Variants in RAPH1 observed in about 807,000 individuals in gnomAD.
RAPH1 encodes the protein ras-associated and pleckstrin homology domains-containing protein 1.
A neutral mutation model predicts 88.1 loss-of-function variants in RAPH1; 18 were observed. That is an observed-to-expected ratio of 0.20 (90% confidence interval 0.14 to 0.30). The LOEUF is 0.30. Among genes scored for constraint, RAPH1 ranks in the 10% least tolerant of loss-of-function variants. RAPH1 has a pLI of 1.00. For synonymous variants in RAPH1, 587 were observed against 559.0 expected (o/e 1.05, Z -0.71); for missense variants, 1,448 against 1,543.2 (o/e 0.94, Z 1.03).
At chr2:203,483,728 T>G (rs911420136) in intron 4 of RAPH1, among the ~76,000 whole-genome samples, 6 of 152,114 alleles carry the variant, frequency 3.9e-5, no homozygotes, top group African/African-American at 1.4e-4. Context: ...ACTATCCAAT[T>G]GACTGAGGGC....
At chr2:203,470,163 G>A (rs1164884016) in intron 4 of RAPH1, 3 of 925,644 alleles carry the variant, frequency 3.2e-6, no homozygotes, top group Non-Finnish European at 5.0e-6. Flanking sequence ...AATAATATAA[G>A]AGCATGATCA....
intron 1 of RAPH1, among the ~76,000 whole-genome samples, chr2:203,515,736 G>C (rs1354848280): frequency 6.6e-6 from 1 of 152,154 alleles, no homozygotes; most frequent in East Asian, 1.9e-4. Context: ...AACATTTAAA[G>C]TGTTGAGAGA....
chr2:203,467,627 G>A (rs188080714), intron 4 of RAPH1, among the ~76,000 whole-genome samples: 4 of 151,876 alleles, frequency 2.6e-5, no homozygotes, highest in East Asian at 3.9e-4. Flanking sequence ...TTAAAAATTC[G>A]CTATATACAG....
chr2:203,478,096 C>G (rs1687549020), intron 4 of RAPH1, among the ~76,000 whole-genome samples: 1 of 151,326 alleles, frequency 6.6e-6, no homozygotes, highest in Admixed American at 6.6e-5. Flanking sequence ...GCAAGTGGCA[C>G]GATCTCAGCT....
In RAPH1 at chr2:203,440,283, C is replaced by G. The variant is rs2098502288; in HGVS notation, c.2907G>C (p.Lys969Asn). 1 of 1,613,660 alleles carries G rather than the reference C, an allele frequency of 6.2e-7. No individual in the cohort carries two copies. Among genetic ancestry groups the G allele is most frequent in the African/African-American group, 1.3e-5 (1 of 74,804 alleles). Residue 969 changes from lysine (K) to asparagine (N), a missense_variant, in exon 14 of 14, where the codon AAG becomes AAC. Physicochemically the swap from Lys to Asn is moderately conservative, Grantham distance 94 (BLOSUM62 0). Around this residue, in one of 2 missense-constraint regions of RAPH1, gnomAD observed 935 missense variants for 890.1 expected, o/e 1.05. Transcript: ENST00000319170. ...TGCGCTGTGGGGTTGGGGGTGGTTT[C>G]TTTCCCCCAGGGCTGGACGTCTTAC... Reference protein sequence around the residue: ...KTSKTSSPGGKKPPPTPQRNS... With the variant: ...KTSKTSSPGGNKPPPTPQRNS...
Position 203,448,119 on chromosome 2 carries a change from T to A in RAPH1, c.1513-40A>T, listed in dbSNP as rs1267039140. ...GGAAATGGTGACATCTAAACTTTAC[T>A]GAGTATGATACAGAAGGATAAGGTG... is the stretch of plus-strand genomic sequence containing the variant. On this transcript the variant is annotated intron_variant, in intron 11 of 13. Transcript: ENST00000319170. This position sits in a 1 kb window ranked among gnomAD's most constrained non-coding sequence, Gnocchi z 4.1. The A allele has an allele frequency of 6.2e-7, 1 of 1,603,882 alleles. No individual in the cohort carries two copies. The highest frequency in any genetic ancestry group is 1.7e-5 in the Admixed American group (1 of 59,694).
intron 1 of RAPH1, among the ~76,000 whole-genome samples, chr2:203,529,256 G>T (rs1690277841): frequency 6.6e-6 from 1 of 151,858 alleles, no homozygotes; most frequent in Non-Finnish European, 1.5e-5. Flanking sequence ...TTATAGGCAT[G>T]AGCCACCGCA....
At chr2:203,512,404 C>T (rs1187036776) in intron 1 of RAPH1, among the ~76,000 whole-genome samples, 1 of 151,506 alleles carries the variant, frequency 6.6e-6, no homozygotes, top group Non-Finnish European at 1.5e-5. Context: ...AATTCTCCCT[C>T]CATGTTTGTA....
chr2:203,511,057 T>C (rs1689318970), intron 1 of RAPH1, among the ~76,000 whole-genome samples: 1 of 152,102 alleles, frequency 6.6e-6, no homozygotes, highest in South Asian at 2.1e-4. Context: ...GCTAATCAGC[T>C]TTGTATTATG....
chr2:203,488,880 T>C (rs1688113333), intron 4 of RAPH1, among the ~76,000 whole-genome samples: 1 of 151,976 alleles, frequency 6.6e-6, no homozygotes, highest in Non-Finnish European at 1.5e-5. Context: ...TCCCAGTACT[T>C]TGGGAGGCCA....
At chr2:203,525,298 G>C (rs1193652055) in intron 1 of RAPH1, among the ~76,000 whole-genome samples, 2 of 151,988 alleles carry the variant, frequency 1.3e-5, no homozygotes, top group Non-Finnish European at 2.9e-5. Context: ...CGATTCTCCT[G>C]TGTCAGTTTC....
intron 12 of RAPH1, chr2:203,446,641 T>A (rs2098509930): frequency 6.6e-6 from 1 of 152,214 alleles, no homozygotes; most frequent in East Asian, 1.9e-4. Flanking sequence ...TGTCCATGGG[T>A]TACAATCCTA....
intron 10 of RAPH1, among the ~76,000 whole-genome samples, chr2:203,453,405 G>A (rs1010837170): frequency 6.6e-6 from 1 of 151,838 alleles, no homozygotes; most frequent in Non-Finnish European, 1.5e-5. Context: ...AATTAGCTGG[G>A]TGTGGTGGCA....
At chr2:203,532,138 G>A (rs1220103196) in intron 1 of RAPH1, among the ~76,000 whole-genome samples, 1 of 152,210 alleles carries the variant, frequency 6.6e-6, no homozygotes, top group Admixed American at 6.5e-5. Flanking sequence ...TATTGTGTGA[G>A]TCAAAAGTAG....
chr2:203,502,598 G>C (rs994891976), intron 1 of RAPH1, among the ~76,000 whole-genome samples: 4 of 152,022 alleles, frequency 2.6e-5, no homozygotes, highest in Non-Finnish European at 1.5e-5. Flanking sequence ...GAGGCGGGCG[G>C]ATCACGAGGT....
intron 1 of RAPH1, among the ~76,000 whole-genome samples, chr2:203,496,881 A>G (rs566112500): frequency 6.6e-6 from 1 of 152,282 alleles, no homozygotes; most frequent in East Asian, 1.9e-4. Context: ...GATCTAGGCA[A>G]TATTTGGAAT....
intron 1 of RAPH1, among the ~76,000 whole-genome samples, chr2:203,520,457 G>A (rs540536917): frequency 7.2e-5 from 11 of 151,994 alleles, no homozygotes; most frequent in African/African-American, 2.2e-4. Context: ...GTGAAACCCC[G>A]TTTCTACTAA....
At position 203,441,016 on chromosome 2, in the gene RAPH1, A is replaced by C. The variant is rs952916034; in HGVS notation, c.2174T>G (p.Met725Arg). 7.4e-5 allele frequency: 82 copies of C among 1,105,396 alleles called. No individual in the cohort carries two copies. The highest frequency in any genetic ancestry group is 9.7e-5 in the Non-Finnish European group (82 of 842,298). 68.5% of individuals were successfully genotyped at this position (1,105,396 alleles called of 1,614,324 possible). A position where few individuals can be genotyped will look rare whatever the true frequency, so the allele number is the denominator to read the frequency against. Reference protein sequence around the residue: ...PPPPPTPGSAMAQLKPAPCAP... With the variant: ...PPPPPTPGSARAQLKPAPCAP... ...ACACGGTGCAGGCTTTAGCTGGGCC[A>C]TGGCAGAGCCTGGGGTTGGGGGTGG... is the stretch of plus-strand genomic sequence containing the variant. Residue 725 changes from methionine to arginine, a missense_variant, in exon 14 of 14, where the codon ATG (methionine) becomes AGG (arginine). Around this residue, in one of 2 missense-constraint regions of RAPH1, gnomAD observed 935 missense variants for 890.1 expected, o/e 1.05. Transcript: ENST00000319170.
chr2:203,497,880 T>C (rs1688586022), intron 1 of RAPH1, among the ~76,000 whole-genome samples: 2 of 152,184 alleles, frequency 1.3e-5, no homozygotes, highest in African/African-American at 4.8e-5. Flanking sequence ...TCAGAGTTCA[T>C]TAAGTGATCT....
Sources: gnomAD v4.1 joint callset for allele counts (sites outside exome capture counted in the v4.1 genomes callset) on GRCh38, gnomAD v4.1.1 for gene constraint, gnomAD v4.1.1 regional missense constraint, Gnocchi (gnomAD v3.1) non-coding constraint, MANE v1.5 for transcripts, NCBI Gene and HGNC (gene_info 2026-07-23, HGNC 2026-07-21) for gene names.